Variants in L3MBTL4 observed in about 807,000 individuals in gnomAD.
L3MBTL4 encodes the protein lethal(3)malignant brain tumor-like protein 4.
L3MBTL4 carries 70 observed loss-of-function variants against 84.5 expected under a neutral mutation model. The ratio of observed to expected loss-of-function variants is 0.83; its 90% CI spans 0.68 to 1.01. L3MBTL4 has a LOEUF of 1.01. Among genes scored for constraint, L3MBTL4 ranks in the 50% least tolerant of loss-of-function variants. The pLI is 0.00. For synonymous variants in L3MBTL4, 274 were observed against 259.8 expected (o/e 1.05, Z -0.52); for missense variants, 715 against 754.8 (o/e 0.95, Z 0.62).
chr18:6,062,960 A>C lies in L3MBTL4; in HGVS notation c.1444+17921T>G, dbSNP rs182804704. ...GCAGTGTAAACTGTACCTAATATGC[A>C]GTCAATCTTTTATCCCTTACTCCCC... is the stretch of plus-strand genomic sequence containing the variant. On this transcript the variant is annotated intron_variant, in intron 16 of 18. Transcript: ENST00000317931. Among the ~76,000 whole-genome samples the C allele has an allele frequency of 7.9e-5, 12 of 151,902 alleles. No individual in the cohort carries two copies. In the East Asian group the frequency reaches 2.1e-3, roughly 27 times the overall value.
At chr18:6,412,300 C>A (rs564157843) in intron 1 of L3MBTL4, among the ~76,000 whole-genome samples, 91 of 152,212 alleles carry the variant, frequency 6.0e-4, no homozygotes, top group African/African-American at 2.1e-3. Context: ...GCCTCCAGCC[C>A]ACCAAACCTA....
At chr18:5,987,013 C>T (rs1187170164) in intron 16 of L3MBTL4, among the ~76,000 whole-genome samples, 1 of 152,254 alleles carries the variant, frequency 6.6e-6, no homozygotes, top group Non-Finnish European at 1.5e-5. Context: ...AAGCAGGTCT[C>T]TCCCACCATC....
intron 4 of L3MBTL4, among the ~76,000 whole-genome samples, chr18:6,286,600 C>T (rs866045141): frequency 1.3e-5 from 2 of 152,160 alleles, no homozygotes; most frequent in Non-Finnish European, 2.9e-5. Flanking sequence ...TTCTCGCTTC[C>T]CAAATAAAAC....
intron 12 of L3MBTL4, among the ~76,000 whole-genome samples, chr18:6,208,310 G>A (rs111674258): frequency 6.6e-6 from 1 of 151,954 alleles, no homozygotes; most frequent in African/African-American, 2.4e-5. Context: ...GAACTTATTG[G>A]TCTGACATAA....
At chr18:6,375,431 C>T (rs1481875092) in intron 1 of L3MBTL4, among the ~76,000 whole-genome samples, 1 of 152,110 alleles carries the variant, frequency 6.6e-6, no homozygotes, top group Non-Finnish European at 1.5e-5. Flanking sequence ...CTACCTGGAG[C>T]CACCTTCCCA....
At chr18:6,126,602 G>A (rs967955587) in intron 14 of L3MBTL4, among the ~76,000 whole-genome samples, 2 of 151,488 alleles carry the variant, frequency 1.3e-5, no homozygotes, top group African/African-American at 4.9e-5. Context: ...ACAAAATTAA[G>A]CATTTCATGT....
In L3MBTL4 at chr18:6,118,993, CTTTTTTTTTTTT is replaced by C. The variant is rs779523685; in HGVS notation, c.1199+19189_1199+19200del. ...GATTTGGCACAGTTTTTTTTGGTTT[CTTTTTTTTTTTT>C]TTTTTTTTTTTTTGACTAGAACAGT... On this transcript the variant is annotated intron_variant, in intron 14 of 18. Coordinates refer to ENST00000317931, the MANE Select transcript of L3MBTL4 (RefSeq NM_001330559.2). Among the ~76,000 whole-genome samples, 5 of 83,698 alleles carry C rather than the reference CTTTTTTTTTTTT, an allele frequency of 6.0e-5. 1 individual carries two copies. The highest frequency in any genetic ancestry group is 8.2e-4 in the East Asian group (2 of 2,438). 54.9% of individuals were successfully genotyped at this position (83,698 alleles called of 152,430 possible). A position where few individuals can be genotyped will look rare whatever the true frequency, so the allele number is the denominator to read the frequency against.
At chr18:5,967,710 C>T (rs1028384113) in intron 17 of L3MBTL4, among the ~76,000 whole-genome samples, 6 of 152,182 alleles carry the variant, frequency 3.9e-5, no homozygotes, top group Admixed American at 1.3e-4. Flanking sequence ...ACCGAGGATC[C>T]GCAAGAGTTG....
chr18:6,354,229 T>C (rs1349813466), intron 1 of L3MBTL4, among the ~76,000 whole-genome samples: 2 of 152,298 alleles, frequency 1.3e-5, no homozygotes, highest in East Asian at 1.9e-4. Context: ...TGGATATCCA[T>C]ATGCAGAAGA....
intron 10 of L3MBTL4, 41 bp downstream of exon 10, chr18:6,237,923 C>A: frequency 1.3e-6 from 2 of 1,497,982 alleles, no homozygotes; most frequent in Non-Finnish European, 9.3e-7. Flanking sequence ...CTGCCACTCA[C>A]ACAGAGATGA....
At chr18:6,309,912 G>A (rs538248021) in intron 3 of L3MBTL4, among the ~76,000 whole-genome samples, 3 of 150,848 alleles carry the variant, frequency 2.0e-5, no homozygotes, top group Admixed American at 6.6e-5. Flanking sequence ...CATGCTTAGC[G>A]GTAAGATGCA....
intron 14 of L3MBTL4, among the ~76,000 whole-genome samples, chr18:6,094,194 T>C (rs1247458682): frequency 6.6e-6 from 1 of 152,206 alleles, no homozygotes; most frequent in African/African-American, 2.4e-5. Flanking sequence ...CCAGGGCCAA[T>C]GACCTGGTTC....
In L3MBTL4 at chr18:6,188,811, C is replaced by A. The variant is rs1253996183; in HGVS notation, c.982-16869G>T. The stretch of plus-strand genomic sequence containing the variant: ...GAGGGCCTGGAAGGCCCAGGGAGAC[C>A]CCTGTAATCTCCTGGTCCTGGGATC... On this transcript the variant is annotated intron_variant, in intron 12 of 18. Transcript: ENST00000317931. Among the ~76,000 whole-genome samples the A allele has an allele frequency of 2.0e-5, 3 of 152,194 alleles. No individual in the cohort carries two copies. In the East Asian group the frequency reaches 5.8e-4, roughly 29 times the overall value.
chr18:6,012,265 C>T (rs2145400956), intron 16 of L3MBTL4, among the ~76,000 whole-genome samples: 1 of 152,164 alleles, frequency 6.6e-6, no homozygotes, highest in South Asian at 2.1e-4. Context: ...CAGGGAGGGC[C>T]ACAGCAAATG....
At chr18:6,322,445 A>G (rs1305399170) in intron 1 of L3MBTL4, among the ~76,000 whole-genome samples, 2 of 123,056 alleles carry the variant, frequency 1.6e-5, no homozygotes, top group Non-Finnish European at 1.8e-5. Flanking sequence ...GAGGAAGGAA[A>G]GAAGGAAGGA....
chr18:6,208,782 A>C (rs902044470), intron 12 of L3MBTL4, among the ~76,000 whole-genome samples: 1 of 152,246 alleles, frequency 6.6e-6, no homozygotes, highest in Admixed American at 6.5e-5. Context: ...TAAATTGAAC[A>C]AGATACACTG....
chr18:6,380,016 G>A (rs983959363), intron 1 of L3MBTL4, among the ~76,000 whole-genome samples: 1 of 152,008 alleles, frequency 6.6e-6, no homozygotes, highest in African/African-American at 2.4e-5. Flanking sequence ...GTCTCTTTAG[G>A]GATTCGACTT....
chr18:6,283,753 G>C (rs1264439927), intron 4 of L3MBTL4, among the ~76,000 whole-genome samples: 2 of 152,170 alleles, frequency 1.3e-5, no homozygotes, highest in Non-Finnish European at 2.9e-5. Flanking sequence ...TCACAAGCAA[G>C]AGAATTGAGG....
At position 6,355,588 on chromosome 18, in the gene L3MBTL4, T is replaced by A. The variant is rs149274463; in HGVS notation, c.-90-43532A>T. Among the ~76,000 whole-genome samples, 70 of 152,250 alleles carry A rather than the reference T, an allele frequency of 4.6e-4. 1 individual carries two copies. Among genetic ancestry groups the A allele is most frequent in the African/African-American group, 1.6e-3 (68 of 41,556 alleles). On this transcript the variant is annotated intron_variant, in intron 1 of 18. Transcript: ENST00000317931. ...GAACAATCTACCAGCCAGAAACAAC[T>A]ATCTGAATACAAAGGCCTGGAAAAT...
Sources: allele counts gnomAD v4.1 joint callset (sites outside exome capture counted in the v4.1 genomes callset), GRCh38; gene constraint gnomAD v4.1.1; transcripts MANE v1.5; gene names NCBI Gene and HGNC (gene_info 2026-07-23, HGNC 2026-07-21).